The following PPIP5K2 variants were observed in gnomAD, a reference collection of about 807,000 sequenced individuals.
PPIP5K2 encodes the protein diphosphoinositol pentakisphosphate kinase 2.
A neutral mutation model predicts 154.6 loss-of-function variants in PPIP5K2; 105 were observed. The ratio of observed to expected loss-of-function variants is 0.68; its 90% CI spans 0.58 to 0.80. PPIP5K2 has a LOEUF of 0.80. Ranked by LOEUF, PPIP5K2 falls within the 30% of genes least tolerant of loss-of-function variation. The pLI is 0.00. For missense variants in PPIP5K2, 992 were observed against 1,504.6 expected (o/e 0.66, Z 5.64); for synonymous variants, 480 against 490.3 (o/e 0.98, Z 0.28).
chr5:103,170,392 G>A (rs1208131644), intron 19 of PPIP5K2, among the ~76,000 whole-genome samples: 7 of 151,414 alleles, frequency 4.6e-5, no homozygotes, highest in South Asian at 4.2e-4. Flanking sequence ...TTTTCATGAC[G>A]GTCTGAGAAT....
At chr5:103,143,168 A>G (rs996096614) in intron 5 of PPIP5K2, among the ~76,000 whole-genome samples, 1 of 152,238 alleles carries the variant, frequency 6.6e-6, no homozygotes, top group East Asian at 1.9e-4. Context: ...CAAAAAATAA[A>G]AAGAAATTAA....
chr5:103,169,957 T>A (rs1346531561), intron 19 of PPIP5K2, among the ~76,000 whole-genome samples: 3 of 151,630 alleles, frequency 2.0e-5, no homozygotes, highest in African/African-American at 7.2e-5. Flanking sequence ...AGAGGCTAAA[T>A]ACACAATGCT....
chr5:103,173,141 T>C lies in PPIP5K2; in HGVS notation c.2287-14T>C. The C allele has an allele frequency of 6.3e-7, 1 of 1,576,092 alleles. No homozygotes were observed. Among genetic ancestry groups the C allele is most frequent in the Non-Finnish European group, 8.6e-7 (1 of 1,163,814 alleles). ...ATTATATCCTTTTTCTAATGTCATGTATTTTTTGCTCAGGAATATGGTATA... is the reference window on the plus strand; with the variant it reads ...ATTATATCCTTTTTCTAATGTCATGCATTTTTTGCTCAGGAATATGGTATA... On this transcript the variant is annotated splice_polypyrimidine_tract_variant and intron_variant, in intron 19 of 30. Transcript: ENST00000358359.
At chr5:103,201,160 A>G (rs539048437) in intron 30 of PPIP5K2, among the ~76,000 whole-genome samples, 41 of 152,324 alleles carry the variant, frequency 2.7e-4, no homozygotes, top group African/African-American at 8.2e-4. Flanking sequence ...GAAAGTTTCA[A>G]TTGGCAGTTG....
At position 103,158,175 on chromosome 5, in the gene PPIP5K2, A is replaced by G. The variant is rs1191428785; in HGVS notation, c.1490-13A>G. The G allele has an allele frequency of 6.2e-6, 10 of 1,609,220 alleles. No individual in the cohort carries two copies. In the African/African-American group the frequency reaches 9.4e-5, roughly 15 times the overall value. On this transcript the variant is annotated splice_polypyrimidine_tract_variant and intron_variant, in intron 14 of 30. Coordinates refer to ENST00000358359, the MANE Select transcript of PPIP5K2 (RefSeq NM_001276277.3). The stretch of plus-strand genomic sequence containing the variant: ...AACTTAACATTTGTTTTATTCATTC[A>G]TATGTGTCATAGACAGCCGAAGAGA...
At chr5:103,188,555 C>T (rs1291788267) in intron 28 of PPIP5K2, 1 of 152,142 alleles carries the variant, frequency 6.6e-6, no homozygotes. Flanking sequence ...TATTTAAATG[C>T]TACTTTTTGA....
chr5:103,208,027 G>A lies in PPIP5K2; in HGVS notation c.*6393G>A, dbSNP rs914845197. 8 of 138,924 alleles carry A rather than the reference G, an allele frequency of 5.8e-5. No individual in the cohort carries two copies. The highest frequency in any genetic ancestry group is 1.7e-4 in the African/African-American group (7 of 40,556). 8.6% of individuals were successfully genotyped at this position (138,924 alleles called of 1,614,324 possible). A position where few individuals can be genotyped will look rare whatever the true frequency, so the allele number is the denominator to read the frequency against. ...TACAATTTCTTTTTTGTTTGTTTTT[G>A]TTTTGTTTTTGTTGTTTTTTAAAAT... On this transcript the variant is annotated 3_prime_UTR_variant, in exon 31 of 31. Coordinates refer to ENST00000358359, the MANE Select transcript of PPIP5K2 (RefSeq NM_001276277.3).
chr5:103,194,974 C>T lies in PPIP5K2; in HGVS notation c.3568C>T (p.Leu1190Phe). The T allele has an allele frequency of 2.5e-6, 4 of 1,613,634 alleles. No individual in the cohort carries two copies. Among genetic ancestry groups the T allele is most frequent in the South Asian group, 1.1e-5 (1 of 91,044 alleles). The change falls in exon 30 of 31, where the codon CTC (leucine) becomes TTC (phenylalanine). Residue 1190 changes from leucine to phenylalanine, a missense_variant. Physicochemically the swap from Leu to Phe is conservative, Grantham distance 22 (BLOSUM62 0). Coordinates refer to ENST00000358359, the MANE Select transcript of PPIP5K2 (RefSeq NM_001276277.3). ...AAATACGTATACACCTGCAAAGATCCTCCCAACACCACCAGCTACCTTAAA... is the reference window on the plus strand; with the variant it reads ...AAATACGTATACACCTGCAAAGATCTTCCCAACACCACCAGCTACCTTAAA... ...SLNTYTPAKI[L>F]PTPPATLKST... is the part of the protein sequence containing the mutation.
intron 17 of PPIP5K2, among the ~76,000 whole-genome samples, chr5:103,161,422 G>A (rs1157088862): frequency 2.0e-5 from 3 of 152,234 alleles, no homozygotes; most frequent in South Asian, 2.1e-4. Flanking sequence ...ATAAACATAC[G>A]TGTGCATGTG....
At chr5:103,179,942 C>A in intron 23 of PPIP5K2, 79 bp from the exon 24 acceptor site, 2 of 1,193,168 alleles carry the variant, frequency 1.7e-6, no homozygotes, top group South Asian at 1.8e-5. Context: ...GTACCTCTAC[C>A]AGTGGTAGTT....
intron 21 of PPIP5K2, among the ~76,000 whole-genome samples, chr5:103,174,623 G>C (rs797043635): frequency 3.3e-5 from 5 of 152,148 alleles, no homozygotes; most frequent in African/African-American, 1.2e-4. Flanking sequence ...TTGCACCTGA[G>C]TTCCAGGAGT....
At chr5:103,162,753 G>A (rs1796498916) in intron 17 of PPIP5K2, among the ~76,000 whole-genome samples, 1 of 151,854 alleles carries the variant, frequency 6.6e-6, no homozygotes. Context: ...TTAATATATT[G>A]TTTAAGATAT....
chr5:103,197,760 TAGAGATGG>T (rs1357469381), intron 30 of PPIP5K2, among the ~76,000 whole-genome samples: 61 of 151,520 alleles, frequency 4.0e-4, no homozygotes, highest in Admixed American at 9.2e-4. Context: ...GTGTTTTTAG[TAGAGATGG>T]AGTTTCACCA....
In PPIP5K2 at chr5:103,210,878, A is replaced by G. The variant is rs1439626819; in HGVS notation, c.*9244A>G. 2 of 152,142 alleles carry G rather than the reference A, an allele frequency of 1.3e-5. No homozygotes were observed. Among genetic ancestry groups the G allele is most frequent in the African/African-American group, 2.4e-5 (1 of 41,456 alleles). 9.4% of individuals were successfully genotyped at this position (152,142 alleles called of 1,614,324 possible). A position where few individuals can be genotyped will look rare whatever the true frequency, so the allele number is the denominator to read the frequency against. On this transcript the variant is annotated 3_prime_UTR_variant, in exon 31 of 31. Coordinates refer to ENST00000358359, the MANE Select transcript of PPIP5K2 (RefSeq NM_001276277.3). Reference sequence around the variant, plus strand: ...ATTTTGTTTGATATTGTGAATGCAAACTATTTTTTTGTGTTAGCCTAAATA... The same window carrying G: ...ATTTTGTTTGATATTGTGAATGCAAGCTATTTTTTTGTGTTAGCCTAAATA...
intron 3 of PPIP5K2, among the ~76,000 whole-genome samples, chr5:103,135,221 T>C (rs1169080126): frequency 6.6e-6 from 1 of 152,156 alleles, no homozygotes; most frequent in African/African-American, 2.4e-5. Context: ...ATCCACACTA[T>C]TATTAATTCC....
At chr5:103,163,512 CT>C (rs1796671884) in intron 17 of PPIP5K2, among the ~76,000 whole-genome samples, 4 of 151,884 alleles carry the variant, frequency 2.6e-5, no homozygotes, top group Admixed American at 2.0e-4. Context: ...CACATCTATA[CT>C]TTTTTTCTTT....
intron 19 of PPIP5K2, among the ~76,000 whole-genome samples, chr5:103,171,606 G>T (rs1554219566): frequency 2.0e-5 from 3 of 151,596 alleles, no homozygotes; most frequent in East Asian, 3.9e-4. Context: ...TTTGAAGAGA[G>T]AAATTTCTTG....
chr5:103,176,057 C>A (rs1798659129), intron 21 of PPIP5K2, among the ~76,000 whole-genome samples: 1 of 151,788 alleles, frequency 6.6e-6, no homozygotes, highest in Admixed American at 6.6e-5. Flanking sequence ...TAAAATCTTT[C>A]TGTAGAATTA....
At chr5:103,132,298 T>C (rs1416050740) in intron 2 of PPIP5K2, among the ~76,000 whole-genome samples, 1 of 152,094 alleles carries the variant, frequency 6.6e-6, no homozygotes, top group Admixed American at 6.5e-5. Flanking sequence ...TCCCAGCACT[T>C]TGGGAGGCCG....
Sources: gnomAD v4.1 joint callset for allele counts (sites outside exome capture counted in the v4.1 genomes callset) on GRCh38, gnomAD v4.1.1 for gene constraint, MANE v1.5 for transcripts, NCBI Gene and HGNC (gene_info 2026-07-23, HGNC 2026-07-21) for gene names.